Variants in ASTN1 observed in about 807,000 individuals in gnomAD.
ASTN1 encodes astrotactin 1, also known as astrotactin-1.
Under a neutral mutation model 140.7 loss-of-function variants are expected in ASTN1, and 41 were observed. That is an observed-to-expected ratio of 0.29 (90% CI 0.23 to 0.38). The LOEUF is 0.38. Ranked by LOEUF, ASTN1 falls within the 10% of genes least tolerant of loss-of-function variation. The probability of loss-of-function intolerance (pLI) is 1.00; values close to 1 mark genes in which losing one functional copy is unlikely to be tolerated. For synonymous variants in ASTN1, 640 were observed against 652.2 expected (o/e 0.98, Z 0.29); for missense variants, 1,479 against 1,678.8 (o/e 0.88, Z 2.08).
In ASTN1 at chr1:177,086,783, T is replaced by A. The variant is rs551637271; in HGVS notation, c.284-25518A>T. ...AATAGATTTGTGGGTGATTTAAAAA[T>A]TCTTCTCTATATTTTTCTGCTTTTT... On this transcript the variant is annotated intron_variant, in intron 1 of 22. Transcript: ENST00000361833. 2.0e-5 allele frequency among the ~76,000 whole-genome samples: 3 copies of A among 152,328 alleles called. No homozygotes were observed. The East Asian group carries it at 5.8e-4, about 29-fold the overall frequency.
At chr1:177,109,965 C>A (rs749701791) in intron 1 of ASTN1, among the ~76,000 whole-genome samples, 2 of 152,178 alleles carry the variant, frequency 1.3e-5, no homozygotes, top group Non-Finnish European at 2.9e-5. Context: ...AGGCATCTTT[C>A]ATCTTTAATT....
chr1:176,926,243 A>T (rs542467662), intron 16 of ASTN1, among the ~76,000 whole-genome samples: 74 of 151,774 alleles, frequency 4.9e-4, no homozygotes, highest in Non-Finnish European at 8.1e-4. Flanking sequence ...ATGTTTGAAG[A>T]TTAAATGAAA....
At chr1:177,012,689 G>A (rs1213705653) in intron 8 of ASTN1, among the ~76,000 whole-genome samples, 3 of 152,186 alleles carry the variant, frequency 2.0e-5, no homozygotes, top group Admixed American at 2.0e-4. Context: ...TACAGCCAGA[G>A]GGAATGATGA....
At chr1:177,055,663 G>T (rs1302834917) in intron 2 of ASTN1, among the ~76,000 whole-genome samples, 1 of 152,120 alleles carries the variant, frequency 6.6e-6, no homozygotes, top group Admixed American at 6.6e-5. Flanking sequence ...TTGTCTTTTT[G>T]TACTTTCCGA....
chr1:177,021,582 T>G (rs1008324505), intron 7 of ASTN1, among the ~76,000 whole-genome samples: 1 of 152,208 alleles, frequency 6.6e-6, no homozygotes, highest in Non-Finnish European at 1.5e-5. Context: ...TGTGGGACTT[T>G]GGGCAAATCG....
intron 11 of ASTN1, among the ~76,000 whole-genome samples, chr1:176,955,771 G>A (rs771492193): frequency 2.0e-5 from 3 of 152,192 alleles, no homozygotes; most frequent in Admixed American, 2.0e-4. Context: ...CTCAGGAAGG[G>A]ACACAGAAGT....
intron 8 of ASTN1, among the ~76,000 whole-genome samples, chr1:177,004,938 C>G (rs1674918683): frequency 2.0e-5 from 3 of 151,972 alleles, no homozygotes; most frequent in South Asian, 4.1e-4. Flanking sequence ...TGACTAAGAC[C>G]CCAAAAGTAA....
At chr1:176,912,402 G>A (rs535882545) in intron 16 of ASTN1, among the ~76,000 whole-genome samples, 1 of 152,208 alleles carries the variant, frequency 6.6e-6, no homozygotes, top group African/African-American at 2.4e-5. Flanking sequence ...ACATAATATT[G>A]TTTTTCTTTC....
intron 4 of ASTN1, among the ~76,000 whole-genome samples, chr1:177,030,220 T>C (rs1253243957): frequency 6.6e-6 from 1 of 152,222 alleles, no homozygotes; most frequent in African/African-American, 2.4e-5. Flanking sequence ...TAATGCCCTC[T>C]AAATCCTTTA....
intron 2 of ASTN1, among the ~76,000 whole-genome samples, chr1:177,038,755 C>T (rs571968732): frequency 1.3e-5 from 2 of 151,998 alleles, no homozygotes; most frequent in African/African-American, 2.4e-5. Context: ...GAATAACACA[C>T]GTATGGTTCC....
At chr1:177,044,074 A>G (rs1677097495) in intron 2 of ASTN1, among the ~76,000 whole-genome samples, 1 of 152,058 alleles carries the variant, frequency 6.6e-6, no homozygotes, top group African/African-American at 2.4e-5. Context: ...CTCCAACACC[A>G]GCAGCATATT....
intron 8 of ASTN1, among the ~76,000 whole-genome samples, chr1:177,001,310 C>T (rs541195714): frequency 2.0e-5 from 3 of 152,248 alleles, no homozygotes; most frequent in Admixed American, 2.0e-4. Context: ...GCCAAATTGA[C>T]ATTAAGGTTG....
rs576371483 is a variant in ASTN1 at position 177,079,185 on chromosome 1, G to T, written c.284-17920C>A. ...TGAAACCAGGACTAAATCATATTAG[G>T]TGTATAAAGGCTGGACTTTTATAAA... On this transcript the variant is annotated intron_variant, in intron 1 of 22. Coordinates refer to ENST00000361833, the MANE Select transcript of ASTN1 (RefSeq NM_004319.3). Among the ~76,000 whole-genome samples the T allele has an allele frequency of 6.6e-5, 10 of 152,302 alleles. No homozygotes were observed. In the South Asian group the frequency reaches 1.5e-3, roughly 22 times the overall value.
At chr1:176,993,077 C>T (rs916270935) in intron 8 of ASTN1, among the ~76,000 whole-genome samples, 1 of 152,176 alleles carries the variant, frequency 6.6e-6, no homozygotes, top group African/African-American at 2.4e-5. Flanking sequence ...GGAAGAGAAC[C>T]CTCAAAAGAA....
Position 177,066,675 on chromosome 1 carries a change from T to C in ASTN1, c.284-5410A>G, listed in dbSNP as rs186067453. Among the ~76,000 whole-genome samples, 291 of 152,318 alleles carry C rather than the reference T, an allele frequency of 1.9e-3. 2 individuals are homozygous for C. Among genetic ancestry groups the C allele is most frequent in the African/African-American group, 6.7e-3 (277 of 41,584 alleles). The stretch of plus-strand genomic sequence containing the variant: ...GTCAGGATCAGGATTTCTCCCAAAA[T>C]ACAACCTCATTGAGGACCAGCTCCA... On this transcript the variant is annotated intron_variant, in intron 1 of 22. Coordinates refer to ENST00000361833, the MANE Select transcript of ASTN1 (RefSeq NM_004319.3).
At chr1:176,942,844 A>G (rs1264117361) in intron 14 of ASTN1, among the ~76,000 whole-genome samples, 1 of 76,388 alleles carries the variant, frequency 1.3e-5, no homozygotes, top group Non-Finnish European at 2.8e-5. Flanking sequence ...ATGTATATAT[A>G]TATATATATA....
chr1:176,974,478 C>T (rs893860324), intron 8 of ASTN1, among the ~76,000 whole-genome samples: 19 of 151,842 alleles, frequency 1.3e-4, no homozygotes, highest in Admixed American at 6.6e-5. Context: ...CTCCGCCTCC[C>T]GGGTTCAAGC....
chr1:177,125,803 T>C (rs192219259), intron 1 of ASTN1, among the ~76,000 whole-genome samples: 1 of 152,306 alleles, frequency 6.6e-6, no homozygotes, highest in East Asian at 1.9e-4. Flanking sequence ...AATATGAACT[T>C]ACCTCGATTA....
intron 1 of ASTN1, among the ~76,000 whole-genome samples, chr1:177,109,896 T>C (rs973035468): frequency 2.0e-5 from 3 of 152,228 alleles, no homozygotes; most frequent in Non-Finnish European, 4.4e-5. Flanking sequence ...CTAAAATAGA[T>C]AGTTCAGCCA....
Sources: allele counts gnomAD v4.1 joint callset (sites outside exome capture counted in the v4.1 genomes callset), GRCh38; gene constraint gnomAD v4.1.1; transcripts MANE v1.5; gene names NCBI Gene and HGNC (gene_info 2026-07-23, HGNC 2026-07-21).